The following TTLL7 variants were observed in gnomAD, a reference collection of about 807,000 sequenced individuals.
The protein encoded by TTLL7 is tubulin polyglutamylase TTLL7.
Under a neutral mutation model 120.2 loss-of-function variants are expected in TTLL7, and 53 were observed. The observed-to-expected ratio is 0.44, with a 90% confidence interval of 0.35 to 0.55. The LOEUF is 0.55. TTLL7 is among the 20% of genes least tolerant of loss of function. The pLI is 0.00. For missense variants in TTLL7, 803 were observed against 1,054.7 expected (o/e 0.76, Z 3.31); for synonymous variants, 353 against 351.7 (o/e 1.00, Z -0.04).
chr1:83,938,359 T>C (rs1198125618), intron 7 of TTLL7, among the ~76,000 whole-genome samples: 1 of 152,262 alleles, frequency 6.6e-6, no homozygotes, highest in Admixed American at 6.5e-5. Context: ...TTAATTTGTT[T>C]GTTTTCAATG....
chr1:83,946,622 T>C (rs978116801), intron 6 of TTLL7, among the ~76,000 whole-genome samples: 2 of 152,238 alleles, frequency 1.3e-5, no homozygotes, highest in African/African-American at 4.8e-5. Context: ...GGAACTTCAG[T>C]TTAAAATGTG....
At chr1:83,947,989 G>T (rs545690975) in intron 5 of TTLL7, among the ~76,000 whole-genome samples, 1 of 151,970 alleles carries the variant, frequency 6.6e-6, no homozygotes, top group East Asian at 1.9e-4. Context: ...GTAAAAGACC[G>T]GGGTACTTAT....
intron 17 of TTLL7, 75 bp from the exon 18 acceptor site, chr1:83,904,234 A>C: frequency 9.7e-7 from 1 of 1,032,940 alleles, no homozygotes; most frequent in East Asian, 2.5e-5. Flanking sequence ...TAATGAAAGC[A>C]CTATAATATA....
At chr1:83,926,279 C>T (rs941930588) in intron 10 of TTLL7, among the ~76,000 whole-genome samples, 1 of 151,890 alleles carries the variant, frequency 6.6e-6, no homozygotes, top group Non-Finnish European at 1.5e-5. Flanking sequence ...TAAGTGTTAA[C>T]AGAACACTAT....
At position 83,866,274 on chromosome 1, in the gene TTLL7, AAAGTC is replaced by A. The variant is rs1487173685; in HGVS notation, c.*3683_*3687del. The A allele has an allele frequency of 3.3e-5, 5 of 152,002 alleles. No individual in the cohort carries two copies. In the South Asian group the frequency reaches 1.0e-3, roughly 31 times the overall value. 9.4% of individuals were successfully genotyped at this position (152,002 alleles called of 1,614,324 possible). On this transcript the variant is annotated 3_prime_UTR_variant, in exon 21 of 21. Coordinates refer to ENST00000260505, the MANE Select transcript of TTLL7 (RefSeq NM_024686.6). ...CTATCAATTTTTTGATACTTTTGAAAAAGTCAAGTAATGTATATGCTTAAATCTAA... is the reference window on the plus strand; with the variant it reads ...CTATCAATTTTTTGATACTTTTGAAAAAGTAATGTATATGCTTAAATCTAA...
rs1263563247 is a variant in TTLL7, at chr1:83,866,837, A to G, written c.*3125T>C. 6.6e-6 allele frequency: 1 copy of G among 152,002 alleles called. No homozygotes were observed. The highest frequency in any genetic ancestry group is 2.4e-5 in the African/African-American group (1 of 41,446). 9.4% of individuals were successfully genotyped at this position (152,002 alleles called of 1,614,324 possible). On this transcript the variant is annotated 3_prime_UTR_variant, in exon 21 of 21. Transcript: ENST00000260505. ...TAGAGCAAATGGTAACTAATCTATA[A>G]TGATGGATTAGTCAAGTGAAAACTA...
intron 15 of TTLL7, among the ~76,000 whole-genome samples, chr1:83,909,433 C>T (rs1317776726): frequency 6.6e-6 from 1 of 151,756 alleles, no homozygotes; most frequent in East Asian, 1.9e-4. Context: ...ATATACAAGA[C>T]AAAGTGTTAC....
At chr1:83,964,638 A>C (rs1190786571) in intron 1 of TTLL7, among the ~76,000 whole-genome samples, 1 of 152,120 alleles carries the variant, frequency 6.6e-6, no homozygotes, top group Non-Finnish European at 1.5e-5. Context: ...AGAGAAGTTC[A>C]GAGCTTTTCT....
intron 20 of TTLL7, among the ~76,000 whole-genome samples, chr1:83,873,956 T>C (rs1245996434): frequency 6.6e-6 from 1 of 152,118 alleles, no homozygotes; most frequent in African/African-American, 2.4e-5. Flanking sequence ...TTAAAATATT[T>C]ATATTATAGT....
chr1:83,890,357 C>T lies in TTLL7; in HGVS notation c.2333G>A (p.Arg778His), dbSNP rs146805080. The T allele has an allele frequency of 9.7e-5, 156 of 1,613,124 alleles. 1 individual carries two copies. The highest frequency in any genetic ancestry group is 6.5e-4 in the Admixed American group (39 of 59,906). Residue 778 changes from arginine to histidine, a missense_variant, in exon 19 of 21, where the codon CGT (arginine) becomes CAT (histidine). Arg to His is a conservative substitution (Grantham distance 29). Around this residue, in one of 3 missense-constraint regions of TTLL7, gnomAD observed 388 missense variants for 450.4 expected, o/e 0.86. Transcript: ENST00000260505. ...GAAACAGTTCCACAGCCCTTGGCCA[C>T]GACTCCAGAGTAAGCGATTAAAAAC... ...NRVFNRLLWS[R>H]GQGLWNCFCD...
At chr1:83,962,091 A>C (rs1011104333) in intron 1 of TTLL7, among the ~76,000 whole-genome samples, 4 of 152,144 alleles carry the variant, frequency 2.6e-5, no homozygotes, top group Non-Finnish European at 5.9e-5. Context: ...TTTCTAAAAT[A>C]GTCAGTTCAT....
rs141023850 is a variant in TTLL7, at chr1:83,988,741, G to A, written c.-177+10190C>T. ...CTTTTTTTTTTTAAGATGGAGTCTC[G>A]CCCTGTCTCCAAGCTGGGGTGCGGT... On this transcript the variant is annotated intron_variant, in intron 1 of 20. Coordinates refer to ENST00000260505, the MANE Select transcript of TTLL7 (RefSeq NM_024686.6). Among the ~76,000 whole-genome samples, 306 of 151,312 alleles carry A rather than the reference G, an allele frequency of 2.0e-3. 2 individuals carry two copies. The highest frequency in any genetic ancestry group is 6.8e-3 in the African/African-American group (280 of 41,208).
chr1:83,939,870 C>T (rs1026248521), intron 7 of TTLL7, among the ~76,000 whole-genome samples: 37 of 151,986 alleles, frequency 2.4e-4, no homozygotes, highest in Non-Finnish European at 4.9e-4. Flanking sequence ...AGTAAGCTGC[C>T]GTCCAGAAAC....
intron 1 of TTLL7, among the ~76,000 whole-genome samples, chr1:83,957,412 T>G (rs1438887705): frequency 6.6e-6 from 1 of 152,166 alleles, no homozygotes; most frequent in Non-Finnish European, 1.5e-5. Flanking sequence ...GTTAAAAATA[T>G]GTAAAATAAT....
At chr1:83,921,215 A>T in intron 11 of TTLL7, 32 bp downstream of exon 11, 1 of 1,610,374 alleles carries the variant, frequency 6.2e-7, no homozygotes, top group Non-Finnish European at 8.5e-7. Flanking sequence ...TATGCAATTT[A>T]AATTGTGGGT....
intron 1 of TTLL7, among the ~76,000 whole-genome samples, chr1:83,955,485 C>T (rs568119853): frequency 1.3e-5 from 2 of 152,274 alleles, no homozygotes; most frequent in South Asian, 4.1e-4. Context: ...CACAACCTTT[C>T]CATCCCTTCC....
intron 1 of TTLL7, among the ~76,000 whole-genome samples, chr1:83,990,621 A>G (rs1652911788): frequency 6.6e-6 from 1 of 152,248 alleles, no homozygotes; most frequent in African/African-American, 2.4e-5. Context: ...GTTACTAATC[A>G]TAAGAGAAAT....
At chr1:83,977,548 T>TA (rs1406284332) in intron 1 of TTLL7, among the ~76,000 whole-genome samples, 2 of 152,130 alleles carry the variant, frequency 1.3e-5, no homozygotes, top group African/African-American at 2.4e-5. Context: ...GCCCAGCTAT[T>TA]AGAGTCAAAA....
At position 83,947,622 on chromosome 1, in the gene TTLL7, A is replaced by G. The variant is rs1405969784; in HGVS notation, c.348-340T>C. On this transcript the variant is annotated intron_variant, in intron 5 of 20. Transcript: ENST00000260505. Reference sequence around the variant, plus strand: ...TTAGTATCATCTCTGCTCCCAAGGAATATATACATAGGCTATTAATATTAA... The same window carrying G: ...TTAGTATCATCTCTGCTCCCAAGGAGTATATACATAGGCTATTAATATTAA... The G allele has an allele frequency of 4.7e-5, 9 of 192,022 alleles. No individual in the cohort carries two copies. In the South Asian group the frequency reaches 8.6e-4, roughly 18 times the overall value. 11.9% of individuals were successfully genotyped at this position (192,022 alleles called of 1,614,324 possible). A position where few individuals can be genotyped will look rare whatever the true frequency, so the allele number is the denominator to read the frequency against.
Sources: gnomAD v4.1 joint callset for allele counts (sites outside exome capture counted in the v4.1 genomes callset) on GRCh38, gnomAD v4.1.1 for gene constraint, gnomAD v4.1.1 regional missense constraint, MANE v1.5 for transcripts, NCBI Gene and HGNC (gene_info 2026-07-23, HGNC 2026-07-21) for gene names.